TVP23A: variants seen among roughly 807,000 people sequenced by gnomAD.
TVP23A encodes the protein Golgi apparatus membrane protein TVP23 homolog A.
In TVP23A, 21 loss-of-function variants were observed where a neutral mutation model predicts 31.7. The ratio of observed to expected loss-of-function variants is 0.66; its 90% CI spans 0.47 to 0.95. The LOEUF is 0.95. Among genes scored for constraint, TVP23A ranks in the 40% least tolerant of loss-of-function variants. The pLI, the probability that TVP23A is intolerant of heterozygous loss-of-function variation, is 0.00. For synonymous variants in TVP23A, 104 were observed against 96.0 expected, an observed-to-expected ratio of 1.08 and a Z score of -0.49; for missense variants, 279 against 255.6, an observed-to-expected ratio of 1.09 and a Z score of -0.62.
chr16:10,782,676 A>G (rs1175434802), intron 2 of TVP23A, among the ~76,000 whole-genome samples: 1 of 151,816 alleles, frequency 6.6e-6, no homozygotes. Context: ...CTAATTTTTA[A>G]AATTTTTTGT....
intron 2 of TVP23A, among the ~76,000 whole-genome samples, chr16:10,796,386 A>G (rs903920060): frequency 1.3e-5 from 2 of 152,132 alleles, no homozygotes; most frequent in Middle Eastern, 3.2e-3. Context: ...AGCGAGAGAG[A>G]GGAGAGGGTG....
chr16:10,775,431 G>A, intron 2 of TVP23A: 1 of 1,097,560 alleles, frequency 9.1e-7, no homozygotes, highest in South Asian at 2.8e-5. Context: ...GCCTAGCAGA[G>A]ATGACGGCCA....
Position 10,775,037 on chromosome 16 carries a change from A to T in TVP23A, c.149T>A (p.Val50Glu). The T allele has an allele frequency of 6.2e-7, 1 of 1,612,150 alleles. No individual in the cohort carries two copies. Among genetic ancestry groups the T allele is most frequent in the Non-Finnish European group, 8.5e-7 (1 of 1,179,056 alleles). Residue 50 changes from valine (V) to glutamate (E), a missense_variant, in exon 3 of 8, where the codon GTG becomes GAG. Coordinates refer to ENST00000299866, the MANE Select transcript of TVP23A (RefSeq NM_001079512.4). The stretch of plus-strand genomic sequence containing the variant: ...GCTCTTGCTGAACCAGTCGCAGCTC[A>T]CGTAGGTGACGATGGCACTCACTCG... Reference protein sequence around the residue: ...FFRVSAIVTYVSCDWFSKSFV... With the variant: ...FFRVSAIVTYESCDWFSKSFV...
chr16:10,792,252 T>C (rs980057361), intron 2 of TVP23A, among the ~76,000 whole-genome samples: 4 of 152,312 alleles, frequency 2.6e-5, no homozygotes, highest in South Asian at 2.1e-4. Context: ...TTAATCTTCT[T>C]GGCACGAGAC....
At position 10,768,399 on chromosome 16, in the gene TVP23A, G is replaced by C. The variant is rs147593117; in HGVS notation, c.*703C>G. Reference sequence around the variant, plus strand: ...AGGCAGATCACTTGAGGCTGGTCAGGAGTTCAAGACCAGCCTGGCTAACAT... The same window carrying C: ...AGGCAGATCACTTGAGGCTGGTCAGCAGTTCAAGACCAGCCTGGCTAACAT... On this transcript the variant is annotated 3_prime_UTR_variant, in exon 8 of 8. Transcript: ENST00000299866. The surrounding 1 kb of genome is among the most constrained non-coding windows in gnomAD (Gnocchi z 4.3). The C allele has an allele frequency of 6.2e-4, 105 of 170,378 alleles. 1 individual carries two copies. The highest frequency in any genetic ancestry group is 2.0e-3 in the African/African-American group (85 of 41,760). 10.6% of individuals were successfully genotyped at this position (170,378 alleles called of 1,614,324 possible).
intron 2 of TVP23A, among the ~76,000 whole-genome samples, chr16:10,796,074 A>G (rs2033371197): frequency 6.6e-6 from 1 of 152,196 alleles, no homozygotes; most frequent in Admixed American, 6.6e-5. Flanking sequence ...TGGGCTGGGC[A>G]CGGTGGCTCA....
At chr16:10,798,961 T>C (rs762692235) in intron 2 of TVP23A, among the ~76,000 whole-genome samples, 10 of 152,162 alleles carry the variant, frequency 6.6e-5, no homozygotes, top group Non-Finnish European at 1.5e-4. Flanking sequence ...CAAGCCCAGG[T>C]GACTCTGTTT....
intron 3 of TVP23A, among the ~76,000 whole-genome samples, 189 bp downstream of exon 3, chr16:10,774,763 A>G (rs376618472): frequency 7.5e-4 from 114 of 151,722 alleles, no homozygotes; most frequent in African/African-American, 2.6e-3. Context: ...GGCACACACC[A>G]CCGCGCCAGG....
At position 10,771,850 on chromosome 16, in the gene TVP23A, G is replaced by A. The variant is rs573784908; in HGVS notation, c.454-52C>T. 7.0e-5 allele frequency: 107 copies of A among 1,539,240 alleles called. No individual in the cohort carries two copies. In the East Asian group the frequency reaches 1.9e-3, roughly 27 times the overall value. On this transcript the variant is annotated intron_variant, in intron 5 of 7. Coordinates refer to ENST00000299866, the MANE Select transcript of TVP23A (RefSeq NM_001079512.4). ...TCACTTTTTTTTGAGACAGAGTTTC[G>A]CTCTGTCGCCCAGGCTGGGGTGCAG... is the stretch of plus-strand genomic sequence containing the variant.
chr16:10,780,315 T>A (rs1283406543), intron 2 of TVP23A, among the ~76,000 whole-genome samples: 1 of 152,050 alleles, frequency 6.6e-6, no homozygotes, highest in Non-Finnish European at 1.5e-5. Context: ...ATAAACTTGT[T>A]TGTGGAGGCC....
chr16:10,794,622 C>T (rs1028458648), intron 2 of TVP23A, among the ~76,000 whole-genome samples: 1 of 152,076 alleles, frequency 6.6e-6, no homozygotes, highest in South Asian at 2.1e-4. Context: ...ATGAGCTTCC[C>T]CGAGTGGGAG....
chr16:10,771,705 T>C lies in TVP23A; in HGVS notation c.547A>G (p.Thr183Ala), dbSNP rs2031636402. ...ACTGTCTGGGACAGGAAACTGGCTGTGACCTTGCCAATGTCACTGTTGCCT... is the reference window on the plus strand; with the variant it reads ...ACTGTCTGGGACAGGAAACTGGCTGCGACCTTGCCAATGTCACTGTTGCCT... ...MGGNSDIGKVTASFLSQTVFQ... is the reference protein window; with the variant it reads ...MGGNSDIGKVAASFLSQTVFQ... The change falls in exon 6 of 8, where the codon ACA (threonine) becomes GCA (alanine). Residue 183 changes from threonine (T) to alanine (A), a missense_variant. Transcript: ENST00000299866. 1.2e-6 allele frequency: 2 copies of C among 1,613,700 alleles called. No individual in the cohort carries two copies. Among genetic ancestry groups the C allele is most frequent in the East Asian group, 4.5e-5 (2 of 44,888 alleles).
At chr16:10,806,147 A>G (rs1382342635) in intron 2 of TVP23A, among the ~76,000 whole-genome samples, 1 of 152,214 alleles carries the variant, frequency 6.6e-6, no homozygotes, top group Non-Finnish European at 1.5e-5. Flanking sequence ...GTTTGAGACC[A>G]GCCTGGCCAA....
chr16:10,808,674 G>T, intron 2 of TVP23A: 2 of 376,458 alleles, frequency 5.3e-6, no homozygotes, highest in Non-Finnish European at 1.1e-5. Flanking sequence ...CTACTGAGGA[G>T]GCTGAGAAGG....
chr16:10,808,717 CA>C (rs2034058011), intron 2 of TVP23A: 1 of 349,848 alleles, frequency 2.9e-6, no homozygotes. Flanking sequence ...GTTGAGGCTG[CA>C]GTGAGCCATG....
chr16:10,790,758 A>C (rs75963539), intron 2 of TVP23A, among the ~76,000 whole-genome samples: 1,981 of 152,262 alleles, frequency 0.013, 41 homozygotes, highest in African/African-American at 0.045. Flanking sequence ...AGATAGGAAA[A>C]AAATTAGAGT....
rs989739096 is a variant in TVP23A at position 10,768,845 on chromosome 16, A to G, written c.*257T>C. 2 of 532,454 alleles carry G rather than the reference A, an allele frequency of 3.8e-6. No individual in the cohort carries two copies. The highest frequency in any genetic ancestry group is 6.7e-6 in the Non-Finnish European group (2 of 299,396). 33.0% of individuals were successfully genotyped at this position (532,454 alleles called of 1,614,324 possible). A position where few individuals can be genotyped will look rare whatever the true frequency, so the allele number is the denominator to read the frequency against. On this transcript the variant is annotated 3_prime_UTR_variant, in exon 8 of 8. Coordinates refer to ENST00000299866, the MANE Select transcript of TVP23A (RefSeq NM_001079512.4). This position sits in a 1 kb window ranked among gnomAD's most constrained non-coding sequence, Gnocchi z 4.3. ...CTATAGATGGTCCGAGGAAGGCCGC[A>G]GCCACTGGTTATGAGCAAGATGGGT...
chr16:10,775,513 G>A (rs2031948415), intron 2 of TVP23A: 4 of 1,043,684 alleles, frequency 3.8e-6, no homozygotes, highest in Middle Eastern at 4.7e-4. Flanking sequence ...CAGCCCACGG[G>A]GCAGGTGTCT....
downstream of TVP23A, chr16:10,763,921 C>T (rs1173540703): frequency 1.6e-5 from 3 of 186,288 alleles, no homozygotes; most frequent in Non-Finnish European, 2.3e-5. Context: ...AGCATCTCAG[C>T]CCATGGGAGC....
Sources: allele counts gnomAD v4.1 joint callset (sites outside exome capture counted in the v4.1 genomes callset), GRCh38; gene constraint gnomAD v4.1.1; non-coding constraint Gnocchi (gnomAD v3.1); transcripts MANE v1.5; gene names NCBI Gene and HGNC (gene_info 2026-07-23, HGNC 2026-07-21).